RIN3: variants seen among roughly 807,000 people sequenced by gnomAD.
RIN3 encodes Ras and Rab interactor 3, also known as RAB5 interacting protein 3.
Under a neutral mutation model 76.3 loss-of-function variants are expected in RIN3, and 54 were observed. The observed-to-expected ratio is 0.71, with a 90% CI of 0.57 to 0.89. The LOEUF (loss-of-function observed/expected upper bound fraction) is 0.89, where lower values mean the gene tolerates loss of function less well. Ranked by LOEUF, RIN3 falls within the 40% of genes least tolerant of loss-of-function variation. RIN3 has a pLI of 0.00. For missense variants in RIN3, 1,256 were observed against 1,322.1 expected (o/e 0.95, Z 0.78); for synonymous variants, 576 against 564.0 (o/e 1.02, Z -0.30).
rs541889524 is a variant in RIN3, at chr14:92,622,627, C to G, written c.440+7148C>G. 3.2e-4 allele frequency among the ~76,000 whole-genome samples: 48 copies of G among 152,300 alleles called. 2 individuals carry two copies. The South Asian group carries it at 9.1e-3, about 29-fold the overall frequency. ...CGCAGACCCTGTTCCTGTGTCTTCC[C>G]CCTGTGGGCTGGGGTCAGACCGCAC... On this transcript the variant is annotated intron_variant, in intron 4 of 9. Coordinates refer to ENST00000216487, the MANE Select transcript of RIN3 (RefSeq NM_024832.5).
intron 1 of RIN3, among the ~76,000 whole-genome samples, chr14:92,525,266 C>T (rs1896699063): frequency 6.6e-6 from 1 of 152,226 alleles, no homozygotes; most frequent in Non-Finnish European, 1.5e-5. Flanking sequence ...TGGGCGCTCG[C>T]CCCTGATGCC....
chr14:92,599,217 G>T (rs1210304790), intron 3 of RIN3, among the ~76,000 whole-genome samples: 1 of 151,564 alleles, frequency 6.6e-6, no homozygotes, highest in Non-Finnish European at 1.5e-5. Context: ...GATCCGATGT[G>T]CCTGCTAAAC....
chr14:92,555,927 C>T lies in RIN3; in HGVS notation c.221C>T (p.Ala74Val), dbSNP rs1463768626. 5.6e-6 allele frequency: 9 copies of T among 1,613,130 alleles called. No individual in the cohort carries two copies. The highest frequency in any genetic ancestry group is 7.6e-6 in the Non-Finnish European group (9 of 1,180,004). ...LQLSLGQAEV[A>V]RILHRVVAGM... The stretch of plus-strand genomic sequence containing the variant: ...CTGAGTCTGGGCCAGGCAGAGGTGG[C>T]CAGGATCCTGCACCGGGTGGTGGCT... The change falls in exon 2 of 10, where the codon GCC (alanine) becomes GTC (valine). Residue 74 changes from alanine to valine, a missense_variant. Physicochemically the swap from Ala to Val is moderately conservative, Grantham distance 64. Transcript: ENST00000216487.
At position 92,583,247 on chromosome 14, in the gene RIN3, C is replaced by T. The variant is rs190974226; in HGVS notation, c.367+5770C>T. On this transcript the variant is annotated intron_variant, in intron 3 of 9. Coordinates refer to ENST00000216487, the MANE Select transcript of RIN3 (RefSeq NM_024832.5). The stretch of plus-strand genomic sequence containing the variant: ...ACAGAGCTGAGGCAAGGGAAAGAGA[C>T]GTGGGGATACCCCAAAAGGGGTAGC... Among the ~76,000 whole-genome samples the T allele has an allele frequency of 1.1e-3, 167 of 152,340 alleles. 1 individual carries two copies. The highest frequency in any genetic ancestry group is 3.4e-3 in the African/African-American group (140 of 41,576).
chr14:92,628,896 C>T (rs1301232179), intron 4 of RIN3, among the ~76,000 whole-genome samples: 1 of 152,014 alleles, frequency 6.6e-6, no homozygotes, highest in Non-Finnish European at 1.5e-5. Flanking sequence ...AGCCAATTAT[C>T]CTCAACTTCC....
In RIN3 at chr14:92,652,685, G is replaced by A. The variant is rs763105900; in HGVS notation, c.1636G>A (p.Asp546Asn). ...DSLGVSVMAT[D>N]QDSYSTSSTE... Reference sequence around the variant, plus strand: ...CTTGGGGGTGTCTGTCATGGCCACCGACCAGGACTCCTACTCCACCAGCAG... The same window carrying A: ...CTTGGGGGTGTCTGTCATGGCCACCAACCAGGACTCCTACTCCACCAGCAG... Residue 546 changes from aspartate to asparagine, a missense_variant, in exon 6 of 10, where the codon GAC becomes AAC. By Grantham distance (23) the Asp-to-Asn change is conservative. Coordinates refer to ENST00000216487, the MANE Select transcript of RIN3 (RefSeq NM_024832.5). This position sits in a 1 kb window ranked among gnomAD's most constrained non-coding sequence, Gnocchi z 6.4. 6 of 1,613,076 alleles carry A rather than the reference G, an allele frequency of 3.7e-6. No homozygotes were observed. The highest frequency in any genetic ancestry group is 1.1e-5 in the South Asian group (1 of 91,072).
At chr14:92,622,646 A>C (rs2140111138) in intron 4 of RIN3, among the ~76,000 whole-genome samples, 1 of 152,320 alleles carries the variant, frequency 6.6e-6, no homozygotes, top group East Asian at 1.9e-4. Context: ...CTGGGGTCAG[A>C]CCGCACAATC....
chr14:92,560,610 A>T (rs1480137469), intron 2 of RIN3, among the ~76,000 whole-genome samples: 1 of 152,174 alleles, frequency 6.6e-6, no homozygotes, highest in Non-Finnish European at 1.5e-5. Context: ...CTGAAGTCAC[A>T]CAGCTGGTGA....
chr14:92,647,515 T>C (rs977839266), intron 5 of RIN3, among the ~76,000 whole-genome samples: 1 of 152,224 alleles, frequency 6.6e-6, no homozygotes, highest in Non-Finnish European at 1.5e-5. Flanking sequence ...CTGTGGCTCT[T>C]CCAAGTTTGC....
intron 3 of RIN3, among the ~76,000 whole-genome samples, chr14:92,597,082 A>G (rs1247542339): frequency 1.3e-5 from 2 of 152,232 alleles, no homozygotes; most frequent in Non-Finnish European, 2.9e-5. Context: ...TACCCATCTC[A>G]CAGAACCATG....
chr14:92,583,315 C>T (rs555012187), intron 3 of RIN3, among the ~76,000 whole-genome samples: 18 of 152,376 alleles, frequency 1.2e-4, no homozygotes, highest in South Asian at 8.3e-4. Context: ...AAGAAACACT[C>T]GCTCTGACCA....
chr14:92,605,568 A>G (rs767619855), intron 3 of RIN3, among the ~76,000 whole-genome samples: 5 of 152,256 alleles, frequency 3.3e-5, no homozygotes, highest in African/African-American at 9.6e-5. Flanking sequence ...CTCACACTTC[A>G]TATGTTAGCA....
chr14:92,618,207 T>C (rs2140106422), intron 4 of RIN3, among the ~76,000 whole-genome samples: 1 of 152,284 alleles, frequency 6.6e-6, no homozygotes, highest in Admixed American at 6.5e-5. Flanking sequence ...ACCCCATAAG[T>C]GCACAAAACA....
In RIN3 at chr14:92,646,706, G is replaced by T. The variant is rs112453999; in HGVS notation, c.533-4876G>T. Among the ~76,000 whole-genome samples the T allele has an allele frequency of 4.8e-3, 724 of 152,280 alleles. 9 individuals are homozygous for T. The highest frequency in any genetic ancestry group is 0.015 in the African/African-American group (626 of 41,568). ...CCGGCCCGCCTCGGCCTCCCAAAGTGCTGGGATTACAGGCGTGAGCCACAG... is the reference window on the plus strand; with the variant it reads ...CCGGCCCGCCTCGGCCTCCCAAAGTTCTGGGATTACAGGCGTGAGCCACAG... On this transcript the variant is annotated intron_variant, in intron 5 of 9. Transcript: ENST00000216487.
At chr14:92,595,487 G>A (rs1001426801) in intron 3 of RIN3, among the ~76,000 whole-genome samples, 3 of 152,206 alleles carry the variant, frequency 2.0e-5, no homozygotes, top group Non-Finnish European at 2.9e-5. Flanking sequence ...TTTCCCAAAA[G>A]AGAAAGTTGA....
At chr14:92,516,513 C>A (rs771538816) in intron 1 of RIN3, among the ~76,000 whole-genome samples, 2 of 152,168 alleles carry the variant, frequency 1.3e-5, no homozygotes, top group Non-Finnish European at 2.9e-5. Flanking sequence ...CCCTGGAGGT[C>A]CTGACTGGCA....
At chr14:92,557,536 G>A (rs1448605534) in intron 2 of RIN3, among the ~76,000 whole-genome samples, 2 of 152,256 alleles carry the variant, frequency 1.3e-5, no homozygotes, top group East Asian at 1.9e-4. Context: ...CACCTCGGAC[G>A]AGGTAAAATG....
chr14:92,597,745 T>C (rs1885200976), intron 3 of RIN3, among the ~76,000 whole-genome samples: 2 of 152,186 alleles, frequency 1.3e-5, no homozygotes, highest in Admixed American at 1.3e-4. Flanking sequence ...GTTTGCAGAA[T>C]GTGGCTCCCG....
chr14:92,678,288 A>T (rs1360993589), intron 8 of RIN3, among the ~76,000 whole-genome samples: 1 of 149,578 alleles, frequency 6.7e-6, no homozygotes, highest in Non-Finnish European at 1.5e-5. Context: ...TCATCTGTCC[A>T]CCCACCTGCC....
Sources: allele counts gnomAD v4.1 joint callset (sites outside exome capture counted in the v4.1 genomes callset), GRCh38; gene constraint gnomAD v4.1.1; non-coding constraint Gnocchi (gnomAD v3.1); transcripts MANE v1.5; gene names NCBI Gene and HGNC (gene_info 2026-07-23, HGNC 2026-07-21).